Variants in DAZAP2 observed in about 807,000 individuals in gnomAD.
DAZAP2 encodes the protein DAZ-associated protein 2.
In DAZAP2, 3 loss-of-function variants were observed where a neutral mutation model predicts 16.2. That is an observed-to-expected ratio of 0.19 (90% CI 0.08 to 0.48). The LOEUF (loss-of-function observed/expected upper bound fraction) is 0.48, where lower values mean the gene tolerates loss of function less well. Among genes scored for constraint, DAZAP2 ranks in the 20% least tolerant of loss-of-function variants. DAZAP2 has a pLI of 0.98. For missense variants in DAZAP2, 172 were observed against 215.9 expected (o/e 0.80, Z 1.27); for synonymous variants, 69 against 77.6 (o/e 0.89, Z 0.58).
downstream of DAZAP2, chr12:51,246,521 C>T (rs554269029): frequency 2.7e-4 from 122 of 453,756 alleles, 3 homozygotes; most frequent in South Asian, 4.9e-3. Flanking sequence ...GTGTAACGTC[C>T]GTATGCATAT....
At position 51,243,644 on chromosome 12, in the gene DAZAP2, T is replaced by G; in HGVS notation, c.*1186T>G. 1 of 985,864 alleles carries G rather than the reference T, an allele frequency of 1.0e-6. No individual in the cohort carries two copies. The highest frequency in any genetic ancestry group is 1.2e-6 in the Non-Finnish European group (1 of 829,904). The allele number at this position is 985,864 out of a possible 1,614,324, so 61.1% of individuals were successfully genotyped here. A position where few individuals can be genotyped will look rare whatever the true frequency, so the allele number is the denominator to read the frequency against. On this transcript the variant is annotated 3_prime_UTR_variant, in exon 4 of 4. Coordinates refer to ENST00000412716, the MANE Select transcript of DAZAP2 (RefSeq NM_014764.4). ...GTGTTCTGTACATGTGATGTTTGAC[T>G]GTACCATTGACTGTTATGGAAGTTC...
At position 51,238,836 on chromosome 12, in the gene DAZAP2, T is replaced by TAGCTCCGAACAGGAAGA. The variant is rs1329472920; in HGVS notation, c.-71_-55dup. On this transcript the variant is annotated 5_prime_UTR_variant, in exon 1 of 4. Coordinates refer to ENST00000412716, the MANE Select transcript of DAZAP2 (RefSeq NM_014764.4). Reference sequence around the variant, plus strand: ...GACGGACCATCATGTGACACGGAAGTAGCTCCGAACAGGAAGAGGACGAAA... The same window carrying TAGCTCCGAACAGGAAGA: ...GACGGACCATCATGTGACACGGAAGTAGCTCCGAACAGGAAGAAGCTCCGAACAGGAAGAGGACGAAA... 6 of 1,608,962 alleles carry TAGCTCCGAACAGGAAGA rather than the reference T, an allele frequency of 3.7e-6. No individual in the cohort carries two copies. Among genetic ancestry groups the TAGCTCCGAACAGGAAGA allele is most frequent in the Non-Finnish European group, 5.1e-6 (6 of 1,178,630 alleles).
downstream of DAZAP2, chr12:51,246,241 C>G: frequency 1.4e-6 from 2 of 1,387,254 alleles, no homozygotes; most frequent in Non-Finnish European, 1.9e-6. Context: ...TAACTAGTGT[C>G]CACTTCCATC....
chr12:51,239,005 C>G (rs533061960), intron 1 of DAZAP2, 85 bp downstream of exon 1: 483 of 1,575,798 alleles, frequency 3.1e-4, no homozygotes, highest in Non-Finnish European at 3.7e-4. Context: ...TCACCAAACG[C>G]CAGGTTTGGG....
At chr12:51,240,816 T>G in intron 2 of DAZAP2, 55 bp from the exon 3 acceptor site, 1 of 1,586,090 alleles carries the variant, frequency 6.3e-7, no homozygotes, top group Non-Finnish European at 8.6e-7. Flanking sequence ...ATTAAAGAGA[T>G]CTCAAATAGG....
In DAZAP2 at chr12:51,240,454, A is replaced by G. The variant is rs749549625; in HGVS notation, c.125A>G (p.Tyr42Cys). The change falls in exon 2 of 4, where the codon TAC (tyrosine) becomes TGC (cysteine). Residue 42 changes from tyrosine to cysteine, a missense_variant. Transcript: ENST00000412716. ...APPYTDAPPAYSELYRPSFVH... is the reference protein window; with the variant it reads ...APPYTDAPPACSELYRPSFVH... ...CCCTATACCGATGCTCCACCTGCCT[A>G]CTCAGAGGTGCTTCCAGTTTGCCAG... 6.2e-7 allele frequency: 1 copy of G among 1,613,458 alleles called. No homozygotes were observed. Among genetic ancestry groups the G allele is most frequent in the South Asian group, 1.1e-5 (1 of 91,074 alleles).
chr12:51,239,905 A>T (rs78474497), intron 1 of DAZAP2: 8,736 of 173,050 alleles, frequency 0.05, 353 homozygotes, highest in Non-Finnish European at 0.072. Context: ...CTTTGTTTGG[A>T]AGTCGACCTT....
In DAZAP2 at chr12:51,238,830, C is replaced by CGGAAGTAGCTCCGAACA; in HGVS notation, c.-72_-56dup. 1.2e-6 allele frequency: 2 copies of CGGAAGTAGCTCCGAACA among 1,608,936 alleles called. No homozygotes were observed. Among genetic ancestry groups the CGGAAGTAGCTCCGAACA allele is most frequent in the Non-Finnish European group, 8.5e-7 (1 of 1,178,412 alleles). On this transcript the variant is annotated 5_prime_UTR_variant, in exon 1 of 4. Transcript: ENST00000412716. ...TAGGCGGACGGACCATCATGTGACACGGAAGTAGCTCCGAACAGGAAGAGG... is the reference window on the plus strand; with the variant it reads ...TAGGCGGACGGACCATCATGTGACACGGAAGTAGCTCCGAACAGGAAGTAGCTCCGAACAGGAAGAGG...
Position 51,241,037 on chromosome 12 carries a change from C to G in DAZAP2, c.299C>G (p.Pro100Arg). ...AYYPVGPIYP[P>R]GSTVLVEGGY... ...TATCCAGTCGGTCCCATCTATCCAC[C>G]TGGCTCCACAGTGCTGGTGGAAGGA... The change falls in exon 3 of 4, where the codon CCT (proline) becomes CGT (arginine). Residue 100 changes from proline (P) to arginine (R), a missense_variant. Pro to Arg is a moderately radical substitution (Grantham distance 103). Coordinates refer to ENST00000412716, the MANE Select transcript of DAZAP2 (RefSeq NM_014764.4). 6.2e-7 allele frequency: 1 copy of G among 1,614,224 alleles called. No homozygotes were observed. The highest frequency in any genetic ancestry group is 8.5e-7 in the Non-Finnish European group (1 of 1,180,046).
Position 51,242,515 on chromosome 12 carries a change from C to T in DAZAP2, c.*57C>T, listed in dbSNP as rs373137618. ...CATCACATACCTTCAGCACTTCTCACAATGTAACTGCTTTAGTCATATTAA... is the reference window on the plus strand; with the variant it reads ...CATCACATACCTTCAGCACTTCTCATAATGTAACTGCTTTAGTCATATTAA... On this transcript the variant is annotated 3_prime_UTR_variant, in exon 4 of 4. Transcript: ENST00000412716. 6.2e-6 allele frequency: 10 copies of T among 1,613,358 alleles called. No individual in the cohort carries two copies. In the African/African-American group the frequency reaches 1.3e-4, roughly 22 times the overall value.
chr12:51,246,604 CTGTGTGTGTGTGTGTGTGTGTG>C (rs59561227), downstream of DAZAP2: 23 of 338,216 alleles, frequency 6.8e-5, no homozygotes, highest in African/African-American at 3.7e-4. Flanking sequence ...TCTTTTATGG[CTGTGTGTGTGTGTGTGTGTGTG>C]TGTGTGTGTG....
At chr12:51,239,865 G>A (rs1035465679) in intron 1 of DAZAP2, 12 of 164,460 alleles carry the variant, frequency 7.3e-5, no homozygotes, top group Non-Finnish European at 1.5e-4. Flanking sequence ...CCTTTTCCCA[G>A]TCTCACGGTT....
At chr12:51,239,065 T>G (rs1456616095) in intron 1 of DAZAP2, 145 bp downstream of exon 1, 2 of 1,188,946 alleles carry the variant, frequency 1.7e-6, no homozygotes, top group Non-Finnish European at 2.3e-6. Context: ...GCGCTGCGCC[T>G]GACGCCTTCG....
Position 51,240,408 on chromosome 12 carries a change from T to C in DAZAP2, c.79T>C (p.Leu27=). 4 of 1,614,116 alleles carry C rather than the reference T, an allele frequency of 2.5e-6. No homozygotes were observed. Among genetic ancestry groups the C allele is most frequent in the African/African-American group, 1.3e-5 (1 of 75,010 alleles). The change falls in exon 2 of 4, where the codon TTG becomes CTG. Residue 27 remains leucine (L), a synonymous_variant. Coordinates refer to ENST00000412716, the MANE Select transcript of DAZAP2 (RefSeq NM_014764.4). ...PPGNPVYPQT[L]HLPQAPPYTD... is the part of the protein sequence containing the mutation. Reference sequence around the variant, plus strand: ...TGGGAATCCAGTATACCCTCAGACCTTGCATCTTCCTCAGGCTCCACCCTA... The same window carrying C: ...TGGGAATCCAGTATACCCTCAGACCCTGCATCTTCCTCAGGCTCCACCCTA...
chr12:51,240,697 TTAGC>T (rs1944659781), intron 2 of DAZAP2, 170 bp from the exon 3 acceptor site: 2 of 952,590 alleles, frequency 2.1e-6, no homozygotes, highest in East Asian at 5.2e-5. Context: ...GAGCCCAACA[TTAGC>T]TATAGCAGAA....
At chr12:51,240,145 C>G (rs1346087705) in intron 1 of DAZAP2, 198 bp from the exon 2 acceptor site, 2 of 584,624 alleles carry the variant, frequency 3.4e-6, no homozygotes, top group Middle Eastern at 4.6e-4. Context: ...TTTCTTGTCT[C>G]GTTAGAATCC....
rs377735558 is a variant in DAZAP2 at position 51,238,906 on chromosome 12, C to A, written c.-2C>A. The A allele has an allele frequency of 6.2e-7, 1 of 1,613,560 alleles. No homozygotes were observed. ...CCGAGACAAACCGGACCCGCAACCACCATGAACAGCAAAGGCAAGGACCGA... is the reference window on the plus strand; with the variant it reads ...CCGAGACAAACCGGACCCGCAACCAACATGAACAGCAAAGGCAAGGACCGA... On this transcript the variant is annotated 5_prime_UTR_variant, in exon 1 of 4. Coordinates refer to ENST00000412716, the MANE Select transcript of DAZAP2 (RefSeq NM_014764.4).
chr12:51,240,166 AT>A, intron 1 of DAZAP2, 176 bp from the exon 2 acceptor site: 5 of 613,148 alleles, frequency 8.2e-6, no homozygotes, highest in South Asian at 1.9e-5. Flanking sequence ...AGCACCTTCC[AT>A]TTTAAGGGTG....
At position 51,242,750 on chromosome 12, in the gene DAZAP2, A is replaced by G. The variant is rs1944701430; in HGVS notation, c.*292A>G. 1 of 1,424,930 alleles carries G rather than the reference A, an allele frequency of 7.0e-7. No homozygotes were observed. The highest frequency in any genetic ancestry group is 9.1e-7 in the Non-Finnish European group (1 of 1,093,442). 88.3% of individuals were successfully genotyped at this position (1,424,930 alleles called of 1,614,324 possible). A position where few individuals can be genotyped will look rare whatever the true frequency, so the allele number is the denominator to read the frequency against. On this transcript the variant is annotated 3_prime_UTR_variant, in exon 4 of 4. Coordinates refer to ENST00000412716, the MANE Select transcript of DAZAP2 (RefSeq NM_014764.4). ...AATTTCTCTGGAGTAATACTGTACC[A>G]TACTGGTCTTTGCTTTTAGTAATAA... is the stretch of plus-strand genomic sequence containing the variant.
Sources: gnomAD v4.1 joint callset for allele counts on GRCh38, gnomAD v4.1.1 for gene constraint, MANE v1.5 for transcripts, NCBI Gene and HGNC (gene_info 2026-07-23, HGNC 2026-07-21) for gene names.